PTPN14: variants seen among roughly 807,000 people sequenced by gnomAD.
PTPN14 encodes protein tyrosine phosphatase non-receptor type 14.
In PTPN14, 53 loss-of-function variants were observed where a neutral mutation model predicts 126.8. That is an observed-to-expected ratio of 0.42 (90% CI 0.34 to 0.53). The LOEUF (loss-of-function observed/expected upper bound fraction) is 0.53. Among genes scored for constraint, PTPN14 ranks in the 20% least tolerant of loss-of-function variants. The pLI, the probability that PTPN14 is intolerant of heterozygous loss-of-function variation, is 0.08. For missense variants in PTPN14, 1,257 were observed against 1,552.9 expected (o/e 0.81, Z 3.20); for synonymous variants, 630 against 599.3 (o/e 1.05, Z -0.75).
intron 5 of PTPN14, among the ~76,000 whole-genome samples, chr1:214,407,543 A>T (rs983967684): frequency 6.6e-6 from 1 of 151,986 alleles, no homozygotes; most frequent in African/African-American, 2.4e-5. Context: ...AAAGTTAGAG[A>T]TGTGCAATAT....
At chr1:214,438,944 G>C (rs370172882) in intron 3 of PTPN14, among the ~76,000 whole-genome samples, 3 of 152,202 alleles carry the variant, frequency 2.0e-5, no homozygotes, top group Non-Finnish European at 4.4e-5. Context: ...ATCATCTCCT[G>C]ATTCTAAACA....
intron 3 of PTPN14, among the ~76,000 whole-genome samples, chr1:214,447,632 C>A (rs1020651539): frequency 6.6e-6 from 1 of 152,052 alleles, no homozygotes; most frequent in Admixed American, 6.6e-5. Context: ...CACTCTGACA[C>A]CCCTTGGCAC....
chr1:214,362,444 T>A (rs1657977675), intron 18 of PTPN14, among the ~76,000 whole-genome samples: 1 of 152,184 alleles, frequency 6.6e-6, no homozygotes, highest in Non-Finnish European at 1.5e-5. Context: ...CCATAGAGCA[T>A]TTAACCACCC....
chr1:214,436,272 T>C (rs1177106929), intron 3 of PTPN14, among the ~76,000 whole-genome samples: 1 of 152,070 alleles, frequency 6.6e-6, no homozygotes, highest in Non-Finnish European at 1.5e-5. Flanking sequence ...AGGGTAAGGA[T>C]TGAAAAACTA....
chr1:214,404,018 T>C (rs1188292986), intron 5 of PTPN14, among the ~76,000 whole-genome samples: 1 of 152,196 alleles, frequency 6.6e-6, no homozygotes, highest in Non-Finnish European at 1.5e-5. Flanking sequence ...TAGGGACTGA[T>C]GTTTTGGCAG....
At chr1:214,535,879 CTG>C (rs1412472504) in intron 1 of PTPN14, among the ~76,000 whole-genome samples, 1 of 152,094 alleles carries the variant, frequency 6.6e-6, no homozygotes, top group Non-Finnish European at 1.5e-5. Context: ...GAGGGTAAAG[CTG>C]TGTTACCACT....
Position 214,383,862 on chromosome 1 carries a change from T to A in PTPN14, c.1993A>T (p.Met665Leu). Reference sequence around the variant, plus strand: ...TCCCGGAGCGTGTTGCGGCGAGCCATGGGGAGGTGGAGCGACTTGAGCGTC... The same window carrying A: ...TCCCGGAGCGTGTTGCGGCGAGCCAAGGGGAGGTGGAGCGACTTGAGCGTC... Reference protein sequence around the residue: ...AMTLKSLHLPMARRNTLREQG... With the variant: ...AMTLKSLHLPLARRNTLREQG... The change falls in exon 13 of 19, where the codon ATG becomes TTG. Residue 665 changes from methionine (M) to leucine (L), a missense_variant. By Grantham distance (15) the Met-to-Leu change is conservative (BLOSUM62 2). Around this residue, in one of 3 missense-constraint regions of PTPN14, gnomAD observed 1,021 missense variants for 1,183.3 expected, o/e 0.86. Coordinates refer to ENST00000366956, the MANE Select transcript of PTPN14 (RefSeq NM_005401.5). The surrounding 1 kb of genome is among the most constrained non-coding windows in gnomAD (Gnocchi z 4.4). 1 of 1,612,818 alleles carries A rather than the reference T, an allele frequency of 6.2e-7. No homozygotes were observed. The highest frequency in any genetic ancestry group is 8.5e-7 in the Non-Finnish European group (1 of 1,179,976).
At chr1:214,453,251 A>G (rs891354847) in intron 2 of PTPN14, among the ~76,000 whole-genome samples, 1 of 152,246 alleles carries the variant, frequency 6.6e-6, no homozygotes, top group Admixed American at 6.5e-5. Flanking sequence ...CAACTTAGAC[A>G]AACTTACTTG....
chr1:214,433,951 CAAAAA>C (rs1158472144), intron 3 of PTPN14, among the ~76,000 whole-genome samples: 27,576 of 98,190 alleles, frequency 0.28, 3,267 homozygotes, highest in Middle Eastern at 0.35. Context: ...CACACACACA[CAAAAA>C]AAAAAAAAAA....
chr1:214,484,500 T>TC (rs1218663479), intron 1 of PTPN14, among the ~76,000 whole-genome samples: 2 of 152,164 alleles, frequency 1.3e-5, no homozygotes, highest in African/African-American at 4.8e-5. Context: ...TCCCATTTTT[T>TC]CCCCAACTGA....
chr1:214,425,367 A>C (rs1659636849), intron 3 of PTPN14, among the ~76,000 whole-genome samples: 1 of 152,236 alleles, frequency 6.6e-6, no homozygotes, highest in Non-Finnish European at 1.5e-5. Context: ...TAGGTATTAC[A>C]TAATATAAAG....
intron 5 of PTPN14, among the ~76,000 whole-genome samples, chr1:214,408,164 A>T (rs1659214176): frequency 6.6e-6 from 1 of 152,182 alleles, no homozygotes; most frequent in Admixed American, 6.5e-5. Context: ...GATTTTGCAA[A>T]CTTCCTATTT....
intron 2 of PTPN14, among the ~76,000 whole-genome samples, chr1:214,460,326 C>A (rs17023018): frequency 0.063 from 9,595 of 152,006 alleles, 998 homozygotes; most frequent in African/African-American, 0.22. Context: ...ACACAGCAAA[C>A]CCTTCAAAAG....
chr1:214,507,204 T>C (rs750734253), intron 1 of PTPN14, among the ~76,000 whole-genome samples: 2 of 152,222 alleles, frequency 1.3e-5, no homozygotes, highest in Non-Finnish European at 2.9e-5. Flanking sequence ...TTAACCATTA[T>C]TCATTCTGAG....
chr1:214,541,613 C>T (rs1391613064), intron 1 of PTPN14, among the ~76,000 whole-genome samples: 3 of 152,176 alleles, frequency 2.0e-5, no homozygotes, highest in Admixed American at 2.0e-4. Context: ...ACTTGGGTAA[C>T]AGATGTTATT....
intron 1 of PTPN14, among the ~76,000 whole-genome samples, chr1:214,534,667 C>T (rs1037884645): frequency 1.3e-5 from 2 of 151,044 alleles, no homozygotes. Context: ...GAGCCAAGAC[C>T]GCGCCACTGC....
intron 10 of PTPN14, among the ~76,000 whole-genome samples, 175 bp from the exon 11 acceptor site, chr1:214,391,220 T>C (rs990085473): frequency 1.3e-5 from 2 of 152,186 alleles, no homozygotes; most frequent in Non-Finnish European, 2.9e-5. Flanking sequence ...GCTTTGTTTT[T>C]CTTTATTTTC....
chr1:214,370,495 C>T (rs1281455064), intron 16 of PTPN14, among the ~76,000 whole-genome samples: 8 of 151,992 alleles, frequency 5.3e-5, no homozygotes, highest in African/African-American at 1.5e-4. Flanking sequence ...TTACTCCTTT[C>T]GGATGTTCAG....
chr1:214,500,230 G>A (rs1025493580), intron 1 of PTPN14, among the ~76,000 whole-genome samples: 52 of 151,944 alleles, frequency 3.4e-4, no homozygotes, highest in African/African-American at 1.2e-3. Context: ...TGTATTTGTG[G>A]CAATTGTCAA....
Sources: gnomAD v4.1 joint callset for allele counts (sites outside exome capture counted in the v4.1 genomes callset) on GRCh38, gnomAD v4.1.1 for gene constraint, gnomAD v4.1.1 regional missense constraint, Gnocchi (gnomAD v3.1) non-coding constraint, MANE v1.5 for transcripts, NCBI Gene and HGNC (gene_info 2026-07-23, HGNC 2026-07-21) for gene names.